The following NDUFV3 variants were observed in gnomAD, a reference collection of about 807,000 sequenced individuals.
NDUFV3 encodes NADH dehydrogenase [ubiquinone] flavoprotein 3, mitochondrial.
NDUFV3 carries 44 observed loss-of-function variants against 37.5 expected under a neutral mutation model. That is an observed-to-expected ratio of 1.17 (90% confidence interval 0.92 to 1.51). The LOEUF (loss-of-function observed/expected upper bound fraction) is 1.51. NDUFV3 is among the 40% of genes most tolerant of loss of function. NDUFV3 has a pLI of 0.00. For synonymous variants in NDUFV3, 235 were observed against 239.3 expected, an observed-to-expected ratio of 0.98 and a Z score of 0.17; for missense variants, 580 against 580.4, an observed-to-expected ratio of 1.00 and a Z score of 0.01.
intron 2 of NDUFV3, among the ~76,000 whole-genome samples, chr21:42,898,949 C>G (rs981387965): frequency 1.3e-5 from 2 of 152,206 alleles, no homozygotes; most frequent in African/African-American, 4.8e-5. Flanking sequence ...AAAGAGCCCC[C>G]TTTTTAGATA....
chr21:42,912,431 A>C lies in NDUFV3; in HGVS notation c.*3410A>C, dbSNP rs909000548. On this transcript the variant is annotated 3_prime_UTR_variant, in exon 4 of 4. Coordinates refer to ENST00000354250, the MANE Select transcript of NDUFV3 (RefSeq NM_021075.4). ...TCTGGTGGCAATACAGTGGTCACCC[A>C]AGGGGCCATTGTTTGGGTCTATGTG... 1 of 152,168 alleles carries C rather than the reference A, an allele frequency of 6.6e-6. No individual in the cohort carries two copies. The highest frequency in any genetic ancestry group is 6.6e-5 in the Admixed American group (1 of 15,266). The allele number at this position is 152,168 out of a possible 1,614,324, so 9.4% of individuals were successfully genotyped here.
chr21:42,903,293 G>A lies in NDUFV3; in HGVS notation c.281G>A (p.Arg94Lys), dbSNP rs959480374. The change falls in exon 3 of 4, where the codon AGG becomes AAG. Residue 94 changes from arginine to lysine, a missense_variant. Arg to Lys is a conservative substitution (Grantham distance 26). Coordinates refer to ENST00000354250, the MANE Select transcript of NDUFV3 (RefSeq NM_021075.4). ...TACCCGCCAGCTGTGAATAAGGGCAGGAAGGTAGCTAGTCCCAGTCCCAGT... is the reference window on the plus strand; with the variant it reads ...TACCCGCCAGCTGTGAATAAGGGCAAGAAGGTAGCTAGTCCCAGTCCCAGT... ...SSYPPAVNKGRKVASPSPSGS... is the reference protein window; with the variant it reads ...SSYPPAVNKGKKVASPSPSGS... 6 of 1,614,078 alleles carry A rather than the reference G, an allele frequency of 3.7e-6. No individual in the cohort carries two copies. The highest frequency in any genetic ancestry group is 2.2e-5 in the East Asian group (1 of 44,904).
Position 42,903,749 on chromosome 21 carries a change from A to G in NDUFV3, c.737A>G (p.Lys246Arg). 6.2e-7 allele frequency: 1 copy of G among 1,614,226 alleles called. No homozygotes were observed. Among genetic ancestry groups the G allele is most frequent in the Non-Finnish European group, 8.5e-7 (1 of 1,180,050 alleles). Residue 246 changes from lysine to arginine, a missense_variant, in exon 3 of 4, where the codon AAA (lysine) becomes AGA (arginine). Physicochemically the swap from Lys to Arg is conservative, Grantham distance 26. Transcript: ENST00000354250. ...GAAGGCAGGGAAAATGCGAGACCAA[A>G]AACCACAATGCCCAGATCTCAAGTA... Reference protein sequence around the residue: ...PSEGRENARPKTTMPRSQVDE... With the variant: ...PSEGRENARPRTTMPRSQVDE...
rs772277089 is a variant in NDUFV3, at chr21:42,903,558, A to T, written c.546A>T (p.Arg182Ser). The part of the protein sequence containing the change: ...EVTPRVVSKG[R>S]GGLRKPEASH... ...CTCCTCGAGTGGTGAGCAAAGGCAG[A>T]GGGGGGCTTCGAAAACCAGAGGCCT... Residue 182 changes from arginine (R) to serine (S), a missense_variant, in exon 3 of 4, where the codon AGA (arginine) becomes AGT (serine). Arg to Ser is a moderately radical substitution (Grantham distance 110). Coordinates refer to ENST00000354250, the MANE Select transcript of NDUFV3 (RefSeq NM_021075.4). The T allele has an allele frequency of 6.2e-6, 10 of 1,614,040 alleles. No individual in the cohort carries two copies. In the Admixed American group the frequency reaches 1.0e-4, roughly 16 times the overall value.
rs367674060 is a variant in NDUFV3 at position 42,903,654 on chromosome 21, G to A, written c.642G>A (p.Pro214=). ...AAGAGAAAACCTTGCTGCAGAAGCCGCATGTGGACATTACTGATCCAGAGA... is the reference window on the plus strand; with the variant it reads ...AAGAGAAAACCTTGCTGCAGAAGCCACATGTGGACATTACTGATCCAGAGA... ...SAKEKTLLQK[P]HVDITDPEKP... is the part of the protein sequence containing the mutation. Residue 214 remains proline, a synonymous_variant, in exon 3 of 4, where the codon CCG becomes CCA. Coordinates refer to ENST00000354250, the MANE Select transcript of NDUFV3 (RefSeq NM_021075.4). 1.3e-5 allele frequency: 21 copies of A among 1,613,910 alleles called. No homozygotes were observed. Among genetic ancestry groups the A allele is most frequent in the South Asian group, 5.5e-5 (5 of 91,090 alleles).
rs767219936 is a variant in NDUFV3 at position 42,897,027 on chromosome 21, A to G, written c.149A>G (p.Lys50Arg). The change falls in exon 2 of 4, where the codon AAG becomes AGG. Residue 50 changes from lysine (K) to arginine (R), a missense_variant. Transcript: ENST00000354250. Reference sequence around the variant, plus strand: ...GAAAAGGGTCAGCCACAGAATTCCAAGAAGCAAAGTCCACCAAAAAGTAAG... The same window carrying G: ...GAAAAGGGTCAGCCACAGAATTCCAGGAAGCAAAGTCCACCAAAAAGTAAG... ...KSEKGQPQNSKKQSPPKNVVE... is the reference protein window; with the variant it reads ...KSEKGQPQNSRKQSPPKNVVE... 1.2e-6 allele frequency: 2 copies of G among 1,614,124 alleles called. No homozygotes were observed. Among genetic ancestry groups the G allele is most frequent in the Non-Finnish European group, 1.7e-6 (2 of 1,180,010 alleles).
intron 2 of NDUFV3, among the ~76,000 whole-genome samples, chr21:42,897,592 C>T (rs2058698341): frequency 6.6e-6 from 1 of 152,170 alleles, no homozygotes; most frequent in Non-Finnish European, 1.5e-5. Context: ...CCAGGATGGT[C>T]TCAATCTCCT....
rs955147851 is a variant in NDUFV3, at chr21:42,909,488, T to C, written c.*467T>C. 9.1e-6 allele frequency: 2 copies of C among 220,564 alleles called. No homozygotes were observed. Among genetic ancestry groups the C allele is most frequent in the South Asian group, 6.7e-5 (1 of 14,950 alleles). 13.7% of individuals were successfully genotyped at this position (220,564 alleles called of 1,614,324 possible). A position where few individuals can be genotyped will look rare whatever the true frequency, so the allele number is the denominator to read the frequency against. On this transcript the variant is annotated 3_prime_UTR_variant, in exon 4 of 4. Coordinates refer to ENST00000354250, the MANE Select transcript of NDUFV3 (RefSeq NM_021075.4). ...AGTGGTGAATTAGCAACAGTAACAC[T>C]GATTATCCAACATATATTTTGGAAT... is the stretch of plus-strand genomic sequence containing the variant.
At chr21:42,906,314 C>T (rs2058741605) in intron 3 of NDUFV3, among the ~76,000 whole-genome samples, 1 of 152,186 alleles carries the variant, frequency 6.6e-6, no homozygotes, top group Non-Finnish European at 1.5e-5. Context: ...AAGCGCGGCT[C>T]CGTCCTGTGT....
At chr21:42,906,176 T>C (rs1424702208) in intron 3 of NDUFV3, among the ~76,000 whole-genome samples, 1 of 152,240 alleles carries the variant, frequency 6.6e-6, no homozygotes, top group Non-Finnish European at 1.5e-5. Context: ...GTTACCATTT[T>C]CTTGAGCACG....
chr21:42,901,200 G>T (rs1283579500), intron 2 of NDUFV3, among the ~76,000 whole-genome samples: 1 of 152,046 alleles, frequency 6.6e-6, no homozygotes, highest in East Asian at 1.9e-4. Flanking sequence ...CACTTTGGGA[G>T]GCTGAGGTGG....
intron 1 of NDUFV3, among the ~76,000 whole-genome samples, chr21:42,894,464 A>ATAATATAT (rs2058679054): frequency 2.0e-5 from 1 of 50,232 alleles, no homozygotes; most frequent in African/African-American, 1.4e-4. Context: ...ATGTTTATAT[A>ATAATATAT]AATATATATT....
chr21:42,894,427 A>ATATTATAT (rs2058677544), intron 1 of NDUFV3, among the ~76,000 whole-genome samples: 2 of 33,486 alleles, frequency 6.0e-5, no homozygotes, highest in African/African-American at 7.6e-4. Flanking sequence ...TATATTATAT[A>ATATTATAT]AATATATATT....
chr21:42,894,333 A>G (rs1431480217), intron 1 of NDUFV3, among the ~76,000 whole-genome samples: 1 of 62,228 alleles, frequency 1.6e-5, no homozygotes, highest in African/African-American at 1.2e-4. Context: ...ATAAATACAT[A>G]TTATATATAT....
At position 42,911,849 on chromosome 21, in the gene NDUFV3, G is replaced by T. The variant is rs1295979680; in HGVS notation, c.*2828G>T. ...GATCCGTGGAACTACTGTGATGGGC[G>T]GTGATGCTTTGGAAATGGAAATTCC... On this transcript the variant is annotated 3_prime_UTR_variant, in exon 4 of 4. Transcript: ENST00000354250. 1 of 152,060 alleles carries T rather than the reference G, an allele frequency of 6.6e-6. No homozygotes were observed. Among genetic ancestry groups the T allele is most frequent in the Non-Finnish European group, 1.5e-5 (1 of 68,020 alleles). The allele number at this position is 152,060 out of a possible 1,614,324, so 9.4% of individuals were successfully genotyped here.
Position 42,909,043 on chromosome 21 carries a change from A to G in NDUFV3, c.*22A>G. On this transcript the variant is annotated 3_prime_UTR_variant, in exon 4 of 4. Transcript: ENST00000354250. ...CTGAGGGCCCTCGGTGTGAAGATGA[A>G]CCTTCCACCGTCTTCACTGCATCCT... The G allele has an allele frequency of 6.2e-7, 1 of 1,610,392 alleles. No individual in the cohort carries two copies. The highest frequency in any genetic ancestry group is 8.5e-7 in the Non-Finnish European group (1 of 1,178,194).
At chr21:42,904,850 G>T (rs56138563) in intron 3 of NDUFV3, among the ~76,000 whole-genome samples, 1 of 150,086 alleles carries the variant, frequency 6.7e-6, no homozygotes, top group Admixed American at 6.7e-5. Flanking sequence ...GAGTGTAATG[G>T]TGCAATCTTG....
intron 1 of NDUFV3, among the ~76,000 whole-genome samples, chr21:42,894,510 T>TTATATATTATATAAATATATAATATATA (rs1568854374): frequency 6.3e-5 from 4 of 63,870 alleles, no homozygotes; most frequent in African/African-American, 3.2e-4. Flanking sequence ...ATAATATATA[T>TTATATATTATATAAATATATAATATATA]TTATATATTA....
intron 1 of NDUFV3, among the ~76,000 whole-genome samples, chr21:42,894,440 A>G (rs1369761842): frequency 1.8e-5 from 1 of 55,840 alleles, no homozygotes; most frequent in Non-Finnish European, 2.9e-5. Context: ...TATATATTAT[A>G]TAATATATAT....
Sources: gnomAD v4.1 joint callset for allele counts (sites outside exome capture counted in the v4.1 genomes callset) on GRCh38, gnomAD v4.1.1 for gene constraint, MANE v1.5 for transcripts, NCBI Gene and HGNC (gene_info 2026-07-23, HGNC 2026-07-21) for gene names.